Variants in RHOJ observed in about 807,000 individuals in gnomAD.
The protein encoded by RHOJ is ras homolog family member J.
A neutral mutation model predicts 23.4 loss-of-function variants in RHOJ; 11 were observed. The observed-to-expected ratio is 0.47, with a 90% CI of 0.30 to 0.78. The LOEUF is 0.78. Ranked by LOEUF, RHOJ falls within the 30% of genes least tolerant of loss-of-function variation. The probability of loss-of-function intolerance (pLI) is 0.08; values close to 1 mark genes in which losing one functional copy is unlikely to be tolerated. For synonymous variants in RHOJ, 102 were observed against 102.7 expected (o/e 0.99, Z 0.04); for missense variants, 254 against 273.4 (o/e 0.93, Z 0.50).
intron 1 of RHOJ, among the ~76,000 whole-genome samples, chr14:63,263,890 G>A (rs1895317157): frequency 6.6e-6 from 1 of 151,802 alleles, no homozygotes; most frequent in African/African-American, 2.4e-5. Flanking sequence ...GGGCAGCTCA[G>A]GACCACAGCT....
At position 63,281,057 on chromosome 14, in the gene RHOJ, C is replaced by T. The variant is rs772791197; in HGVS notation, c.324C>T (p.Tyr108=). ...TCTCTGTCGTAAACCCTGCCTCTTA[C>T]CACAATGTCCAGGAGGAATGGGTCC... The part of the protein sequence containing the change: ...ICFSVVNPAS[Y]HNVQEEWVPE... Residue 108 remains tyrosine, a synonymous_variant, in exon 3 of 5, where the codon TAC becomes TAT. Transcript: ENST00000316754. The T allele has an allele frequency of 1.9e-6, 3 of 1,614,104 alleles. No individual in the cohort carries two copies. The highest frequency in any genetic ancestry group is 1.1e-5 in the South Asian group (1 of 91,074).
chr14:63,279,803 G>T (rs1184923902), intron 2 of RHOJ, among the ~76,000 whole-genome samples: 1 of 151,950 alleles, frequency 6.6e-6, no homozygotes, highest in Non-Finnish European at 1.5e-5. Context: ...TGTCAAATTT[G>T]GCAATAACTC....
Position 63,204,798 on chromosome 14 carries a change from C to A in RHOJ, c.-72C>A. The A allele has an allele frequency of 6.7e-7, 1 of 1,496,028 alleles. No individual in the cohort carries two copies. The highest frequency in any genetic ancestry group is 9.1e-7 in the Non-Finnish European group (1 of 1,097,634). 92.7% of individuals were successfully genotyped at this position (1,496,028 alleles called of 1,614,324 possible). On this transcript the variant is annotated 5_prime_UTR_variant, in exon 1 of 5. Coordinates refer to ENST00000316754, the MANE Select transcript of RHOJ (RefSeq NM_020663.5). Reference sequence around the variant, plus strand: ...ACTCAAGCCTGGCACTGGCTTTCTGCCGCTTCATGTGCTTTGGAAAAAGCA... The same window carrying A: ...ACTCAAGCCTGGCACTGGCTTTCTGACGCTTCATGTGCTTTGGAAAAAGCA...
chr14:63,269,400 T>G, intron 2 of RHOJ: 1 of 389,032 alleles, frequency 2.6e-6, no homozygotes, highest in South Asian at 6.9e-5. Context: ...ATGATTCTTT[T>G]GACTGATGAC....
chr14:63,252,021 G>A (rs1340439317), intron 1 of RHOJ, among the ~76,000 whole-genome samples: 2 of 152,082 alleles, frequency 1.3e-5, no homozygotes, highest in Non-Finnish European at 2.9e-5. Context: ...AGGAGGCAGA[G>A]GTTGCAGTGA....
chr14:63,214,264 T>C (rs1183743712), intron 1 of RHOJ, among the ~76,000 whole-genome samples: 1 of 152,364 alleles, frequency 6.6e-6, no homozygotes, highest in Non-Finnish European at 1.5e-5. Context: ...ATAAGCTTCA[T>C]AGAAATTTCT....
At chr14:63,275,279 A>G (rs574782983) in intron 2 of RHOJ, among the ~76,000 whole-genome samples, 1 of 152,310 alleles carries the variant, frequency 6.6e-6, no homozygotes, top group East Asian at 1.9e-4. Flanking sequence ...TCAGTGCACT[A>G]CAGTGTGAGC....
At chr14:63,230,692 TACACACAC>T (rs58916971) in intron 1 of RHOJ, among the ~76,000 whole-genome samples, 16,354 of 148,806 alleles carry the variant, frequency 0.11, 1,071 homozygotes, top group East Asian at 0.17. Context: ...CACACATATG[TACACACAC>T]ACACACACAC....
At chr14:63,205,746 G>A (rs1239714256) in intron 1 of RHOJ, among the ~76,000 whole-genome samples, 2 of 152,180 alleles carry the variant, frequency 1.3e-5, no homozygotes, top group African/African-American at 4.8e-5. Flanking sequence ...TTAAAGCATG[G>A]CAGTTAAGAC....
intron 1 of RHOJ, among the ~76,000 whole-genome samples, chr14:63,239,052 C>T (rs1894838651): frequency 6.6e-6 from 1 of 152,176 alleles, no homozygotes; most frequent in African/African-American, 2.4e-5. Flanking sequence ...GGTCATTAGA[C>T]ACTGCTGGGA....
At chr14:63,248,974 T>C (rs1467608277) in intron 1 of RHOJ, among the ~76,000 whole-genome samples, 1 of 152,224 alleles carries the variant, frequency 6.6e-6, no homozygotes, top group African/African-American at 2.4e-5. Context: ...ACTTGAGTAT[T>C]GTTGGTCCCA....
At chr14:63,237,767 T>A (rs1894814985) in intron 1 of RHOJ, among the ~76,000 whole-genome samples, 1 of 152,280 alleles carries the variant, frequency 6.6e-6, no homozygotes, top group African/African-American at 2.4e-5. Context: ...GAATTTCTAC[T>A]GGATTCGAAG....
chr14:63,285,704 C>T (rs1255493208), intron 4 of RHOJ, among the ~76,000 whole-genome samples: 3 of 152,132 alleles, frequency 2.0e-5, no homozygotes, highest in Non-Finnish European at 4.4e-5. Context: ...GCCTACTTTT[C>T]CCATTCTTTT....
intron 1 of RHOJ, among the ~76,000 whole-genome samples, chr14:63,244,609 A>G (rs1894943595): frequency 6.6e-6 from 1 of 152,160 alleles, no homozygotes; most frequent in South Asian, 2.1e-4. Flanking sequence ...CGTTCTGTTG[A>G]AAATTGTCAT....
intron 1 of RHOJ, among the ~76,000 whole-genome samples, chr14:63,228,963 C>T (rs555628481): frequency 2.6e-5 from 4 of 152,288 alleles, no homozygotes; most frequent in East Asian, 1.9e-4. Context: ...CTTCTTCTGA[C>T]CTGTCATAGC....
At chr14:63,286,715 T>C (rs146439307) in intron 4 of RHOJ, among the ~76,000 whole-genome samples, 17 of 152,350 alleles carry the variant, frequency 1.1e-4, no homozygotes, top group African/African-American at 3.1e-4. Context: ...TCTCTTAGAT[T>C]AAGCATGTAT....
chr14:63,257,423 G>T (rs1895189702), intron 1 of RHOJ, among the ~76,000 whole-genome samples: 1 of 149,712 alleles, frequency 6.7e-6, no homozygotes, highest in Admixed American at 6.7e-5. Context: ...CAGATGAAGG[G>T]TCATAGGTCA....
chr14:63,227,317 A>G (rs1434227882), intron 1 of RHOJ, among the ~76,000 whole-genome samples: 1 of 152,210 alleles, frequency 6.6e-6, no homozygotes, highest in Non-Finnish European at 1.5e-5. Flanking sequence ...ACTGTTTTGA[A>G]TATGCAAGGA....
intron 2 of RHOJ, 114 bp from the exon 3 acceptor site, chr14:63,280,857 G>A (rs1881874759): frequency 5.3e-6 from 5 of 935,066 alleles, no homozygotes; most frequent in Non-Finnish European, 7.7e-6. Flanking sequence ...CAGGGTTGAG[G>A]AAGAAACGGG....
Sources: allele counts gnomAD v4.1 joint callset (sites outside exome capture counted in the v4.1 genomes callset), GRCh38; gene constraint gnomAD v4.1.1; transcripts MANE v1.5; gene names NCBI Gene and HGNC (gene_info 2026-07-23, HGNC 2026-07-21).